OOEP: variants seen among roughly 807,000 people sequenced by gnomAD.
The protein encoded by OOEP is oocyte-expressed protein homolog.
Under a neutral mutation model 13.7 loss-of-function variants are expected in OOEP, and 16 were observed. The ratio of observed to expected loss-of-function variants is 1.16; its 90% CI spans 0.79 to 1.77. The LOEUF is 1.77. OOEP is among the 40% of genes most tolerant of loss of function. OOEP has a pLI of 0.00. For missense variants in OOEP, 195 were observed against 193.1 expected, an observed-to-expected ratio of 1.01 and a Z score of -0.06; for synonymous variants, 89 against 77.1, an observed-to-expected ratio of 1.15 and a Z score of -0.81.
chr6:73,390,755 TTTTTTTTTC>T (rs1769337395), intron 2 of OOEP, among the ~76,000 whole-genome samples: 1 of 145,658 alleles, frequency 6.9e-6, no homozygotes, highest in Admixed American at 7.9e-5. Context: ...TTTTTTTTTC[TTTTTTTTTC>T]TTTTTTTTGT....
intron 2 of OOEP, among the ~76,000 whole-genome samples, chr6:73,393,371 A>G (rs939486422): frequency 6.6e-6 from 1 of 152,192 alleles, no homozygotes; most frequent in African/African-American, 2.4e-5. Flanking sequence ...GATTACAGGT[A>G]TGAGTTATCC....
chr6:73,395,096 G>A, upstream of OOEP: 1 of 1,614,186 alleles, frequency 6.2e-7, no homozygotes, highest in South Asian at 1.1e-5. Context: ...GTGGCCGCTG[G>A]TCACGAGGAA....
At chr6:73,386,444 A>G (rs1330773608) in intron 2 of OOEP, among the ~76,000 whole-genome samples, 1 of 152,214 alleles carries the variant, frequency 6.6e-6, no homozygotes, top group Admixed American at 6.5e-5. Flanking sequence ...CCAAAAAATA[A>G]ACAAACAAAT....
chr6:73,381,863 C>T (rs527306627), intron 2 of OOEP, among the ~76,000 whole-genome samples: 4 of 152,164 alleles, frequency 2.6e-5, no homozygotes, highest in African/African-American at 9.6e-5. Flanking sequence ...TGCCTGTAAA[C>T]CCAGCTACTT....
intron 2 of OOEP, among the ~76,000 whole-genome samples, chr6:73,382,207 C>G (rs1769218923): frequency 7.3e-6 from 1 of 137,442 alleles, no homozygotes; most frequent in South Asian, 2.4e-4. Context: ...ACTACCACAC[C>G]TGGCTAATTT....
At chr6:73,378,589 G>A (rs553069534) in intron 2 of OOEP, among the ~76,000 whole-genome samples, 3 of 152,110 alleles carry the variant, frequency 2.0e-5, no homozygotes, top group East Asian at 3.9e-4. Context: ...CCAGCAGGGC[G>A]CAGTGGCTCA....
At chr6:73,371,193 C>T (rs1014883677), upstream of OOEP, among the ~76,000 whole-genome samples, 1 of 152,244 alleles carries the variant, frequency 6.6e-6, no homozygotes, top group Non-Finnish European at 1.5e-5. Flanking sequence ...TTTTCTGCCC[C>T]TGATCCCACC....
chr6:73,382,214 AT>A (rs70994196), intron 2 of OOEP, among the ~76,000 whole-genome samples: 297 of 98,092 alleles, frequency 3.0e-3, no homozygotes, highest in East Asian at 0.011. Flanking sequence ...CACCTGGCTA[AT>A]TTTTTTTTTT....
Position 73,369,754 on chromosome 6 carries a change from G to A in OOEP, c.39C>T (p.Gly13=). The change falls in exon 1 of 3, where the codon GGC becomes GGT. Residue 13 remains glycine (G), a synonymous_variant. Coordinates refer to ENST00000370359, the MANE Select transcript of OOEP (RefSeq NM_001080507.3). ...CCAGGGAGTGGGCCGGAGTCTGTTT[G>A]CCCCGCTGGGACTCAGCGGCACCAG... ...DDAGAAESQR[G]KQTPAHSLEQ... 1.2e-6 allele frequency: 2 copies of A among 1,613,826 alleles called. No homozygotes were observed. Among genetic ancestry groups the A allele is most frequent in the East Asian group, 2.2e-5 (1 of 44,888 alleles).
intron 2 of OOEP, among the ~76,000 whole-genome samples, chr6:73,376,229 CTTTA>C (rs994249467): frequency 2.0e-5 from 3 of 151,646 alleles, no homozygotes; most frequent in Admixed American, 6.6e-5. Context: ...ATCTAAGTCA[CTTTA>C]TTTATTTTTT....
intron 2 of OOEP, among the ~76,000 whole-genome samples, chr6:73,380,246 CTT>C (rs774497914): frequency 4.5e-4 from 57 of 126,802 alleles, no homozygotes; most frequent in Non-Finnish European, 3.9e-4. Flanking sequence ...TTCCAAAATT[CTT>C]TTTTTTTTTT....
upstream of OOEP, chr6:73,369,913 G>T: frequency 1.1e-6 from 1 of 873,602 alleles, no homozygotes; most frequent in Non-Finnish European, 1.8e-6. Flanking sequence ...TTCCGGCGGC[G>T]CCTCGCACCG....
chr6:73,386,435 C>CG (rs1554233704), intron 2 of OOEP, among the ~76,000 whole-genome samples: 1 of 151,658 alleles, frequency 6.6e-6, no homozygotes, highest in Non-Finnish European at 1.5e-5. Context: ...AGGAATCCAC[C>CG]AAAAAATAAA....
chr6:73,369,810 CG>C lies in OOEP; in HGVS notation c.-19del, dbSNP rs774220231. 1.9e-6 allele frequency: 3 copies of C among 1,605,882 alleles called. No individual in the cohort carries two copies. In the African/African-American group the frequency reaches 4.0e-5, roughly 21 times the overall value. ...TCGACCATACTGGGACCAGCAGCCG[CG>C]GAGCGCGCTCGAGGCGGCTTTCGCA... On this transcript the variant is annotated 5_prime_UTR_variant, in exon 1 of 3. Coordinates refer to ENST00000370359, the MANE Select transcript of OOEP (RefSeq NM_001080507.3).
intron 2 of OOEP, among the ~76,000 whole-genome samples, chr6:73,386,977 GAAAAA>G (rs1169476638): frequency 3.9e-3 from 120 of 30,868 alleles, no homozygotes; most frequent in Middle Eastern, 0.019. Context: ...TTCCATCTCA[GAAAAA>G]AAAAAAAAAA....
At chr6:73,370,525 A>G (rs1294817066), upstream of OOEP, among the ~76,000 whole-genome samples, 2 of 152,150 alleles carry the variant, frequency 1.3e-5, no homozygotes, top group Non-Finnish European at 2.9e-5. Context: ...TAACACGGCC[A>G]TGTACCCTCC....
At chr6:73,375,976 G>GTT (rs1467117747) in intron 2 of OOEP, among the ~76,000 whole-genome samples, 1 of 151,814 alleles carries the variant, frequency 6.6e-6, no homozygotes, top group Non-Finnish European at 1.5e-5. Context: ...TAAAGACGGG[G>GTT]TTTTACCATG....
intron 2 of OOEP, among the ~76,000 whole-genome samples, chr6:73,378,358 G>A (rs1165851767): frequency 6.6e-6 from 1 of 151,788 alleles, no homozygotes; most frequent in Non-Finnish European, 1.5e-5. Context: ...ACCCACCTCA[G>A]CCTCCCAAAA....
chr6:73,381,221 AAAAAAAAG>A (rs1383474303), intron 2 of OOEP, among the ~76,000 whole-genome samples: 17 of 149,258 alleles, frequency 1.1e-4, no homozygotes, highest in African/African-American at 4.2e-4. Flanking sequence ...AAAAAAAAAA[AAAAAAAAG>A]AAGAAGAAAA....
Sources: gnomAD v4.1 joint callset for allele counts (sites outside exome capture counted in the v4.1 genomes callset) on GRCh38, gnomAD v4.1.1 for gene constraint, MANE v1.5 for transcripts, NCBI Gene and HGNC (gene_info 2026-07-23, HGNC 2026-07-21) for gene names.